The following ALK variants were observed in gnomAD, a reference collection of about 807,000 sequenced individuals.
ALK encodes ALK tyrosine kinase receptor.
In ALK, 74 loss-of-function variants were observed where a neutral mutation model predicts 163.1. That is an observed-to-expected ratio of 0.45 (90% CI 0.38 to 0.55). The LOEUF (loss-of-function observed/expected upper bound fraction) is 0.55, where lower values mean the gene tolerates loss of function less well. Ranked by LOEUF, ALK falls within the 20% of genes least tolerant of loss-of-function variation. The probability of loss-of-function intolerance (pLI) is 0.00; values close to 1 mark genes in which losing one functional copy is unlikely to be tolerated. For synonymous variants in ALK, 960 were observed against 843.2 expected (o/e 1.14, Z -2.40); for missense variants, 2,063 against 2,105.3 (o/e 0.98, Z 0.39).
intron 3 of ALK, among the ~76,000 whole-genome samples, chr2:29,644,976 C>G (rs1448648859): frequency 1.3e-5 from 2 of 152,146 alleles, no homozygotes; most frequent in Non-Finnish European, 2.9e-5. Flanking sequence ...CACCCAATGT[C>G]AATTCTCCAT....
chr2:29,380,575 C>T (rs372010862), intron 5 of ALK, among the ~76,000 whole-genome samples: 6 of 152,096 alleles, frequency 3.9e-5, no homozygotes, highest in South Asian at 4.2e-4. Context: ...TGTGCCACCA[C>T]GCCTGGCTAA....
At chr2:29,210,717 A>G (rs1250515077) in intron 24 of ALK, among the ~76,000 whole-genome samples, 1 of 152,204 alleles carries the variant, frequency 6.6e-6, no homozygotes, top group Admixed American at 6.5e-5. Flanking sequence ...TTAATTTTTA[A>G]AATAAGCCAT....
intron 4 of ALK, among the ~76,000 whole-genome samples, chr2:29,432,774 G>A (rs376724951): frequency 6.1e-5 from 9 of 147,388 alleles, no homozygotes; most frequent in East Asian, 4.0e-4. Context: ...GATCCATTGC[G>A]CATCAATTGA....
intron 19 of ALK, among the ~76,000 whole-genome samples, chr2:29,224,947 C>T (rs759671354): frequency 4.6e-5 from 7 of 152,214 alleles, no homozygotes; most frequent in Non-Finnish European, 1.0e-4. Context: ...GTTGGGACCA[C>T]ACTGAGTTCT....
chr2:29,776,218 A>T (rs1172785449), intron 1 of ALK, among the ~76,000 whole-genome samples: 2 of 77,996 alleles, frequency 2.6e-5, no homozygotes, highest in Non-Finnish European at 2.6e-5. Flanking sequence ...ATGCAATGGA[A>T]TTTTGTTAAA....
chr2:29,525,296 T>C (rs4666233), intron 4 of ALK, among the ~76,000 whole-genome samples: 15,867 of 152,224 alleles, frequency 0.1, 1,310 homozygotes, highest in South Asian at 0.33. Context: ...TCCCAAGTCT[T>C]TAAGCTTTCT....
intron 9 of ALK, among the ~76,000 whole-genome samples, chr2:29,284,307 G>A (rs1665791925): frequency 6.6e-6 from 1 of 152,100 alleles, no homozygotes; most frequent in Admixed American, 6.5e-5. Flanking sequence ...GCATTGATGA[G>A]GTTCCTGGCG....
In ALK at chr2:29,920,033, G is replaced by T. The variant is rs1165267868; in HGVS notation, c.627C>A (p.Arg209=). The change falls in exon 1 of 29, where the codon CGC becomes CGA. Residue 209 remains arginine, a synonymous_variant. Coordinates refer to ENST00000389048, the MANE Select transcript of ALK (RefSeq NM_004304.5). ...GREGRLSAAI[R]ASQPRLLFQI... is the part of the protein sequence containing the mutation. ...GGAAGAGAAGGCGGGGCTGGGAGGC[G>T]CGAATTGCCGCGGACAGCCTTCCCT... 1.2e-6 allele frequency: 2 copies of T among 1,614,124 alleles called. No homozygotes were observed. The highest frequency in any genetic ancestry group is 1.6e-4 in the Middle Eastern group (1 of 6,062).
chr2:29,445,701 A>C (rs977521894), intron 4 of ALK, among the ~76,000 whole-genome samples: 1 of 152,220 alleles, frequency 6.6e-6, no homozygotes, highest in South Asian at 2.1e-4. Context: ...AGATGCCTGT[A>C]GTCCCAGTTA....
intron 4 of ALK, among the ~76,000 whole-genome samples, chr2:29,429,879 C>T (rs1670232547): frequency 6.6e-6 from 1 of 152,092 alleles, no homozygotes; most frequent in Non-Finnish European, 1.5e-5. Context: ...GATAGACACA[C>T]AGATCCATGA....
chr2:29,208,360 G>C (rs548195184), intron 25 of ALK, among the ~76,000 whole-genome samples: 1 of 152,284 alleles, frequency 6.6e-6, no homozygotes, highest in African/African-American at 2.4e-5. Context: ...TTGAAGCCTG[G>C]AGCTGGGAGC....
At chr2:29,457,861 T>C (rs1306053651) in intron 4 of ALK, among the ~76,000 whole-genome samples, 3 of 152,124 alleles carry the variant, frequency 2.0e-5, no homozygotes, top group Non-Finnish European at 2.9e-5. Context: ...TTAGGTGCCT[T>C]GTACAAGGTA....
intron 3 of ALK, among the ~76,000 whole-genome samples, chr2:29,659,749 C>T (rs529399596): frequency 1.3e-5 from 2 of 152,264 alleles, no homozygotes; most frequent in South Asian, 2.1e-4. Context: ...CTTATTCTGT[C>T]TTGTATTGTT....
intron 1 of ALK, among the ~76,000 whole-genome samples, chr2:29,848,573 AT>A (rs997646828): frequency 2.2e-4 from 33 of 152,192 alleles, no homozygotes; most frequent in African/African-American, 8.0e-4. Flanking sequence ...ATAAATGTTA[AT>A]GAATTTGTGT....
At chr2:29,760,976 G>A (rs910605168) in intron 1 of ALK, among the ~76,000 whole-genome samples, 1 of 152,120 alleles carries the variant, frequency 6.6e-6, no homozygotes, top group African/African-American at 2.4e-5. Context: ...AACTGCCTGG[G>A]GCTGTAGACT....
At chr2:29,728,473 G>A (rs79257862) in intron 1 of ALK, among the ~76,000 whole-genome samples, 2,739 of 152,352 alleles carry the variant, frequency 0.018, 33 homozygotes, top group Non-Finnish European at 0.028. Context: ...TTAGAGTGTG[G>A]AAGGCAGCAG....
At chr2:29,509,187 T>A (rs1270153732) in intron 4 of ALK, among the ~76,000 whole-genome samples, 1 of 152,134 alleles carries the variant, frequency 6.6e-6, no homozygotes, top group East Asian at 1.9e-4. Context: ...TGTAGTAAAT[T>A]TGGGGACACT....
At chr2:29,881,611 T>G (rs967898581) in intron 1 of ALK, among the ~76,000 whole-genome samples, 10 of 152,110 alleles carry the variant, frequency 6.6e-5, no homozygotes, top group African/African-American at 2.2e-4. Flanking sequence ...GGCTTTAAAC[T>G]CTTTACAAAG....
At chr2:29,259,233 C>T (rs1235085420) in intron 11 of ALK, among the ~76,000 whole-genome samples, 1 of 152,084 alleles carries the variant, frequency 6.6e-6, no homozygotes, top group African/African-American at 2.4e-5. Flanking sequence ...CTACTACCAC[C>T]ATAATTAATA....
Sources: allele counts gnomAD v4.1 joint callset (sites outside exome capture counted in the v4.1 genomes callset), GRCh38; gene constraint gnomAD v4.1.1; transcripts MANE v1.5; gene names NCBI Gene and HGNC (gene_info 2026-07-23, HGNC 2026-07-21).